The following CEACAM20 variants were observed in gnomAD, a reference collection of about 807,000 sequenced individuals.
The protein encoded by CEACAM20 is cell adhesion molecule CEACAM20.
Under a neutral mutation model 61.2 loss-of-function variants are expected in CEACAM20, and 50 were observed. That is an observed-to-expected ratio of 0.82 (90% CI 0.65 to 1.03). The LOEUF (loss-of-function observed/expected upper bound fraction) is 1.03. Ranked by LOEUF, CEACAM20 falls within the 50% of genes least tolerant of loss-of-function variation. The probability of loss-of-function intolerance (pLI) is 0.00; values close to 1 mark genes in which losing one functional copy is unlikely to be tolerated. For missense variants in CEACAM20, 683 were observed against 736.4 expected (o/e 0.93, Z 0.84); for synonymous variants, 282 against 287.7 (o/e 0.98, Z 0.20).
In CEACAM20 at chr19:44,524,241, C is replaced by A. The variant is rs1186827378; in HGVS notation, c.217G>T (p.Ala73Ser). The A allele has an allele frequency of 6.2e-7, 1 of 1,613,118 alleles. No individual in the cohort carries two copies. Among genetic ancestry groups the A allele is most frequent in the South Asian group, 1.1e-5 (1 of 90,956 alleles). ...TCTATGGCAGTGCCTGGGCTGACTG[C>A]AATGGAGGGTTTGGCCAGCTCTGAA... ...RSRELAKPSI[A>S]VSPGTAIEQK... is the part of the protein sequence containing the mutation. The change falls in exon 3 of 12, where the codon GCA becomes TCA. Residue 73 changes from alanine (A) to serine (S), a missense_variant. By Grantham distance (99) the Ala-to-Ser change is moderately conservative. Transcript: ENST00000614924.
At position 44,520,672 on chromosome 19, in the gene CEACAM20, T is replaced by C. The variant is rs115198078; in HGVS notation, c.832A>G (p.Thr278Ala). 1.3e-3 allele frequency: 2,131 copies of C among 1,613,948 alleles called. 30 individuals are homozygous for C. The African/African-American group carries it at 0.026, about 19-fold the overall frequency. Reference protein sequence around the residue: ...NARSVDLTCQTVNQSVNVQWF... With the variant: ...NARSVDLTCQAVNQSVNVQWF... Reference sequence around the variant, plus strand: ...TGGACATTCACACTCTGATTGACGGTTTGGCAGGTCAGGTCCACAGACCTA... The same window carrying C: ...TGGACATTCACACTCTGATTGACGGCTTGGCAGGTCAGGTCCACAGACCTA... Residue 278 changes from threonine (T) to alanine (A), a missense_variant, in exon 5 of 12, where the codon ACC becomes GCC. By Grantham distance (58) the Thr-to-Ala change is moderately conservative. Coordinates refer to ENST00000614924, the MANE Select transcript of CEACAM20 (RefSeq NM_001102597.3).
intron 1 of CEACAM20, among the ~76,000 whole-genome samples, chr19:44,525,668 C>T (rs997585873): frequency 6.6e-6 from 1 of 152,140 alleles, no homozygotes; most frequent in African/African-American, 2.4e-5. Context: ...GTCTCAAACT[C>T]CTGACCTCAA....
In CEACAM20 at chr19:44,517,218, G is replaced by T; in HGVS notation, c.1037C>A (p.Pro346His). The change falls in exon 6 of 12, where the codon CCT becomes CAT. Residue 346 changes from proline to histidine, a missense_variant. Pro to His is a moderately conservative substitution (Grantham distance 77). Coordinates refer to ENST00000614924, the MANE Select transcript of CEACAM20 (RefSeq NM_001102597.3). ...CTCCCTGGTGATGTGCACTTGGTCA[G>T]GACCATCTGTGTGTAAAGCCAAACG... ...EPLELTINYG[P>H]DQVHITRESA... is the part of the protein sequence containing the mutation. 1 of 1,604,552 alleles carries T rather than the reference G, an allele frequency of 6.2e-7. No homozygotes were observed.
At position 44,511,089 on chromosome 19, in the gene CEACAM20, G is replaced by A. The variant is rs748031361; in HGVS notation, c.1678C>T (p.Leu560=). The A allele has an allele frequency of 1.3e-5, 21 of 1,613,892 alleles. No individual in the cohort carries two copies. The Middle Eastern group carries it at 9.9e-4, about 76-fold the overall frequency. The change falls in exon 11 of 12, where the codon CTG becomes TTG. Residue 560 remains leucine (L), a synonymous_variant. Coordinates refer to ENST00000614924, the MANE Select transcript of CEACAM20 (RefSeq NM_001102597.3). ...GAGACCAATCTGAGTGGGGGCATCA[G>A]AGGTTTGGGTGGTGGCTTCCAGGGG... ...FSPWKPPPKP[L]MPPLRLVSTV...
intron 1 of CEACAM20, among the ~76,000 whole-genome samples, 185 bp downstream of exon 1, chr19:44,529,273 A>G (rs1030452836): frequency 1.3e-5 from 2 of 150,724 alleles, no homozygotes; most frequent in Admixed American, 6.6e-5. Context: ...CCCTATCTTT[A>G]TATCTGTATC....
In CEACAM20 at chr19:44,517,075, C is replaced by T. The variant is rs754488681; in HGVS notation, c.1180G>A (p.Gly394Arg). ...EYRWTLEHST[G>R]EHLGEQLIIR... ...ATCAGCTGCTCACCCAGGTGCTCCCCGGTGGAGTGTTCAAGAGTCCAGCGA... is the reference window on the plus strand; with the variant it reads ...ATCAGCTGCTCACCCAGGTGCTCCCTGGTGGAGTGTTCAAGAGTCCAGCGA... The change falls in exon 6 of 12, where the codon GGG becomes AGG. Residue 394 changes from glycine to arginine, a missense_variant. By Grantham distance (125) the Gly-to-Arg change is moderately radical. Transcript: ENST00000614924. 1.2e-6 allele frequency: 2 copies of T among 1,608,640 alleles called. No individual in the cohort carries two copies. The highest frequency in any genetic ancestry group is 2.2e-5 in the East Asian group (1 of 44,686).
At chr19:44,518,118 G>C (rs1402402804) in intron 5 of CEACAM20, among the ~76,000 whole-genome samples, 1 of 64,972 alleles carries the variant, frequency 1.5e-5, no homozygotes, top group Non-Finnish European at 3.0e-5. Context: ...AAGGAAGGAA[G>C]GAAGGAAGGA....
At position 44,511,703 on chromosome 19, in the gene CEACAM20, T is replaced by C. The variant is rs767357337; in HGVS notation, c.1576-31A>G. The stretch of plus-strand genomic sequence containing the variant: ...GAAAAACAAAGTTGCAGAGAGGTCA[T>C]AGGGCTTGGAATAGGGGCTACCCCA... On this transcript the variant is annotated intron_variant, in intron 9 of 11. Coordinates refer to ENST00000614924, the MANE Select transcript of CEACAM20 (RefSeq NM_001102597.3). 4.9e-5 allele frequency: 79 copies of C among 1,609,320 alleles called. No homozygotes were observed. The East Asian group carries it at 1.2e-3, about 25-fold the overall frequency.
At chr19:44,506,248 G>T (rs768830410) in intron 11 of CEACAM20, 34 bp from the exon 12 acceptor site, 46 of 1,597,376 alleles carry the variant, frequency 2.9e-5, no homozygotes, top group Middle Eastern at 1.7e-4. Flanking sequence ...AGCTCCATTT[G>T]CTAGGTGGAC....
At chr19:44,528,706 T>C (rs1599694947) in intron 1 of CEACAM20, among the ~76,000 whole-genome samples, 1 of 152,120 alleles carries the variant, frequency 6.6e-6, no homozygotes, top group South Asian at 2.1e-4. Flanking sequence ...ATCTTTGTCT[T>C]TCTCTCTTGT....
At chr19:44,511,805 T>A in intron 9 of CEACAM20, 133 bp from the exon 10 acceptor site, 1 of 1,011,172 alleles carries the variant, frequency 9.9e-7, no homozygotes, top group Non-Finnish European at 1.5e-6. Context: ...AAGCTAGGAA[T>A]TGTCATGTCA....
intron 6 of CEACAM20, among the ~76,000 whole-genome samples, chr19:44,514,065 A>G (rs16979218): frequency 0.019 from 2,877 of 152,148 alleles, 107 homozygotes; most frequent in African/African-American, 0.066. Flanking sequence ...CAGAGAAAAG[A>G]GCTTTGGCAA....
intron 4 of CEACAM20, among the ~76,000 whole-genome samples, chr19:44,521,808 C>G (rs1305600021): frequency 1.3e-5 from 2 of 152,062 alleles, no homozygotes; most frequent in Admixed American, 1.3e-4. Context: ...GTTGTGTTTA[C>G]TGTGTGTATT....
intron 1 of CEACAM20, among the ~76,000 whole-genome samples, chr19:44,527,568 C>T (rs553930592): frequency 6.6e-6 from 1 of 152,322 alleles, no homozygotes; most frequent in African/African-American, 2.4e-5. Flanking sequence ...GACAGGAAGC[C>T]TCTCTGTGGA....
intron 8 of CEACAM20, 77 bp from the exon 9 acceptor site, chr19:44,512,155 T>C (rs1971022426): frequency 9.1e-7 from 1 of 1,094,634 alleles, no homozygotes; most frequent in Non-Finnish European, 1.4e-6. Context: ...CCAGGACCCC[T>C]GACCCCAGGA....
chr19:44,518,951 C>T (rs1971272257), intron 5 of CEACAM20, among the ~76,000 whole-genome samples: 1 of 152,218 alleles, frequency 6.6e-6, no homozygotes. Context: ...TTGATTCTTA[C>T]AGACCCCCTC....
At chr19:44,508,098 C>T (rs1050132899) in intron 11 of CEACAM20, among the ~76,000 whole-genome samples, 2 of 152,134 alleles carry the variant, frequency 1.3e-5, no homozygotes, top group Non-Finnish European at 2.9e-5. Flanking sequence ...TTCTCTTTTC[C>T]AAACCCAAGA....
intron 6 of CEACAM20, among the ~76,000 whole-genome samples, chr19:44,514,617 T>TTGTG (rs1014417415): frequency 1.3e-5 from 2 of 151,168 alleles, no homozygotes; most frequent in Non-Finnish European, 3.0e-5. Context: ...CCTGGCTAAT[T>TTGTG]TGTGTGTGTG....
At chr19:44,527,572 C>CT (rs1971565811) in intron 1 of CEACAM20, among the ~76,000 whole-genome samples, 1 of 152,196 alleles carries the variant, frequency 6.6e-6, no homozygotes, top group East Asian at 1.9e-4. Context: ...GGAAGCCTCT[C>CT]TGTGGAAAGC....
Sources: gnomAD v4.1 joint callset for allele counts (sites outside exome capture counted in the v4.1 genomes callset) on GRCh38, gnomAD v4.1.1 for gene constraint, MANE v1.5 for transcripts, NCBI Gene and HGNC (gene_info 2026-07-23, HGNC 2026-07-21) for gene names.